Variants in LZTFL1 observed in about 807,000 individuals in gnomAD.
The protein encoded by LZTFL1 is leucine zipper transcription factor-like protein 1.
Under a neutral mutation model 45.9 loss-of-function variants are expected in LZTFL1, and 25 were observed. The ratio of observed to expected loss-of-function variants is 0.54; its 90% CI spans 0.40 to 0.76. The LOEUF (loss-of-function observed/expected upper bound fraction) is 0.76, where lower values mean the gene tolerates loss of function less well. Ranked by LOEUF, LZTFL1 falls within the 30% of genes least tolerant of loss-of-function variation. The pLI is 0.00. For synonymous variants in LZTFL1, 93 were observed against 117.4 expected (o/e 0.79, Z 1.35); for missense variants, 277 against 331.1 (o/e 0.84, Z 1.27).
intron 2 of LZTFL1, among the ~76,000 whole-genome samples, chr3:45,867,904 T>C (rs879825935): frequency 3.9e-5 from 6 of 152,048 alleles, no homozygotes; most frequent in East Asian, 1.9e-4. Flanking sequence ...GTCAGCCCCA[T>C]TGGAATGGGT....
intron 2 of LZTFL1, chr3:45,902,998 C>A (rs1346341348): frequency 6.0e-6 from 1 of 167,084 alleles, no homozygotes; most frequent in Non-Finnish European, 1.5e-5. Context: ...ATGGAATTCA[C>A]CTTTGCATCT....
At chr3:45,841,867 G>T in intron 1 of LZTFL1, 122 bp downstream of exon 1, 1 of 1,295,782 alleles carries the variant, frequency 7.7e-7, no homozygotes, top group Non-Finnish European at 1.1e-6. Flanking sequence ...TCTCAGGGAG[G>T]CTGAGGTGCG....
In LZTFL1 at chr3:45,900,034, T is replaced by A. The variant is rs972281890; in HGVS notation, c.-215+13086A>T. 6.6e-6 allele frequency among the ~76,000 whole-genome samples: 1 copy of A among 152,198 alleles called. No homozygotes were observed. The highest frequency in any genetic ancestry group is 2.4e-5 in the African/African-American group (1 of 41,438). On this transcript the variant is annotated intron_variant, in intron 2 of 4. Transcript: ENST00000472635. This position sits in a 1 kb window ranked among gnomAD's most constrained non-coding sequence, Gnocchi z 4.7. ...GTGTACGAGAGCATGTGCAAGTGCATGTATTATGTGTATGCATGTACATAT... is the reference window on the plus strand; with the variant it reads ...GTGTACGAGAGCATGTGCAAGTGCAAGTATTATGTGTATGCATGTACATAT...
At chr3:45,877,828 C>T (rs1214220400) in intron 2 of LZTFL1, among the ~76,000 whole-genome samples, 5 of 151,472 alleles carry the variant, frequency 3.3e-5, no homozygotes, top group Non-Finnish European at 4.4e-5. Flanking sequence ...GCACTGCAAC[C>T]TCTGCCTCCC....
intron 2 of LZTFL1, among the ~76,000 whole-genome samples, chr3:45,872,964 A>G (rs1016619173): frequency 6.6e-6 from 1 of 152,240 alleles, no homozygotes; most frequent in Non-Finnish European, 1.5e-5. Context: ...GCCAGGGCCA[A>G]GATAAGATTA....
exon 2 of LZTFL1, chr3:45,913,139 T>C: frequency 6.5e-7 from 1 of 1,536,070 alleles, no homozygotes; most frequent in Non-Finnish European, 8.7e-7. Flanking sequence ...TGGGTCTTGG[T>C]TCCTCATCTG....
At chr3:45,907,841 C>T (rs992005436) in intron 2 of LZTFL1, among the ~76,000 whole-genome samples, 4 of 152,212 alleles carry the variant, frequency 2.6e-5, no homozygotes, top group African/African-American at 7.2e-5. Flanking sequence ...TTCTTGCTCA[C>T]GTGTGTCTGC....
chr3:45,897,773 G>T, intron 2 of LZTFL1: 1 of 591,834 alleles, frequency 1.7e-6, no homozygotes, highest in Non-Finnish European at 2.9e-6. Flanking sequence ...TTTCTTCCTT[G>T]TCTGTCTTCC....
chr3:45,895,030 C>T lies in LZTFL1; in HGVS notation c.-215+18090G>A. 4.3e-6 allele frequency: 6 copies of T among 1,402,308 alleles called. No individual in the cohort carries two copies. In the South Asian group the frequency reaches 4.6e-5, roughly 11 times the overall value. The allele number at this position is 1,402,308 out of a possible 1,614,324, so 86.9% of individuals were successfully genotyped here. ...CTTTTTAGGGGGTGTGGGAAGGATC[C>T]ACTGTGGGGGAAGGATTTATCTGTG... On this transcript the variant is annotated intron_variant, in intron 2 of 4. Coordinates refer to the LZTFL1 transcript ENST00000472635.
rs77000397 is a variant in LZTFL1 at position 45,880,019 on chromosome 3, T to A, written c.-214-21003A>T. On this transcript the variant is annotated intron_variant, in intron 2 of 4. Coordinates refer to the LZTFL1 transcript ENST00000472635. ...GGATGTAAGCACCCTGAATCTACCA[T>A]GATGCCTCCGTACAGGCAGAGGTCC... Among the ~76,000 whole-genome samples the A allele has an allele frequency of 4.5e-3, 680 of 152,246 alleles. 8 individuals carry two copies. The highest frequency in any genetic ancestry group is 0.016 in the African/African-American group (645 of 41,548).
At chr3:45,877,741 G>GTTT (rs71288016) in intron 2 of LZTFL1, among the ~76,000 whole-genome samples, 3 of 137,092 alleles carry the variant, frequency 2.2e-5, no homozygotes, top group Admixed American at 7.3e-5. Flanking sequence ...TCATTTATTA[G>GTTT]TTTTTTTTTT....
intron 4 of LZTFL1, among the ~76,000 whole-genome samples, chr3:45,850,957 C>T (rs966553713): frequency 6.6e-6 from 1 of 152,184 alleles, no homozygotes; most frequent in African/African-American, 2.4e-5. Context: ...AGAATGGCTC[C>T]ACCCTATCTT....
intron 4 of LZTFL1, among the ~76,000 whole-genome samples, chr3:45,850,979 T>C (rs1335222107): frequency 6.6e-6 from 1 of 152,182 alleles, no homozygotes; most frequent in African/African-American, 2.4e-5. Context: ...CCATCCCTGA[T>C]ACATGACCCA....
At chr3:45,831,957 C>A (rs770750415) in intron 5 of LZTFL1, among the ~76,000 whole-genome samples, 1 of 152,040 alleles carries the variant, frequency 6.6e-6, no homozygotes. Flanking sequence ...CATTTTTGGC[C>A]GGGCACGGTG....
At chr3:45,838,094 T>G in intron 1 of LZTFL1, 43 bp from the exon 2 acceptor site, 3 of 1,557,198 alleles carry the variant, frequency 1.9e-6, no homozygotes, top group Non-Finnish European at 2.6e-6. Flanking sequence ...TTTGAAGATC[T>G]GATCAAAGAG....
In LZTFL1 at chr3:45,851,296, G is replaced by A. The variant is rs1445728744; in HGVS notation, c.-49+3690C>T. ...GGCTGGAGTGCAGTGGCATGATCTC[G>A]GCTCACTGCAACCTCCGCCTCCTGG... On this transcript the variant is annotated intron_variant, in intron 4 of 4. Coordinates refer to the LZTFL1 transcript ENST00000472635. 2.7e-5 allele frequency among the ~76,000 whole-genome samples: 4 copies of A among 148,626 alleles called. No individual in the cohort carries two copies. The East Asian group carries it at 5.9e-4, about 22-fold the overall frequency.
intron 4 of LZTFL1, 63 bp from the exon 5 acceptor site, chr3:45,833,184 A>ACACTAC: frequency 8.8e-7 from 1 of 1,140,392 alleles, no homozygotes; most frequent in Non-Finnish European, 1.3e-6. Flanking sequence ...TAATCATTGA[A>ACACTAC]CACTTGCACT....
At chr3:45,849,833 A>C (rs1701281095) in intron 4 of LZTFL1, among the ~76,000 whole-genome samples, 1 of 152,236 alleles carries the variant, frequency 6.6e-6, no homozygotes, top group Non-Finnish European at 1.5e-5. Context: ...GTTTTATTTT[A>C]AAATAGTGAG....
chr3:45,910,974 A>C (rs1359093730), intron 2 of LZTFL1, among the ~76,000 whole-genome samples: 1 of 152,160 alleles, frequency 6.6e-6, no homozygotes, highest in East Asian at 1.9e-4. Flanking sequence ...GCTTAGGGCC[A>C]GTAGTTGATG....
Sources: allele counts gnomAD v4.1 joint callset (sites outside exome capture counted in the v4.1 genomes callset), GRCh38; gene constraint gnomAD v4.1.1; non-coding constraint Gnocchi (gnomAD v3.1); transcripts MANE v1.5; gene names NCBI Gene and HGNC (gene_info 2026-07-23, HGNC 2026-07-21).